The following SHLD2 variants were observed in gnomAD, a reference collection of about 807,000 sequenced individuals.
SHLD2 encodes RINN1-REV7-interacting novel NHEJ regulator 2.
In SHLD2, 30 loss-of-function variants were observed where a neutral mutation model predicts 73.2. The observed-to-expected ratio is 0.41, with a 90% CI of 0.31 to 0.56. The LOEUF is 0.56. Ranked by LOEUF, SHLD2 falls within the 20% of genes least tolerant of loss-of-function variation. The pLI is 0.28. For synonymous variants in SHLD2, 285 were observed against 370.1 expected (o/e 0.77, Z 2.64); for missense variants, 745 against 1,055.9 (o/e 0.71, Z 4.08).
chr10:87,146,356 C>T (rs1349679604), intron 2 of SHLD2, among the ~76,000 whole-genome samples: 5 of 151,950 alleles, frequency 3.3e-5, no homozygotes, highest in African/African-American at 4.8e-5. Flanking sequence ...TGCAGTGGCC[C>T]GATCTTGGCT....
intron 2 of SHLD2, among the ~76,000 whole-genome samples, chr10:87,103,561 A>G (rs1842404027): frequency 1.3e-5 from 2 of 152,202 alleles, no homozygotes; most frequent in Non-Finnish European, 2.9e-5. Flanking sequence ...TTTGTGCCAA[A>G]GTTTTCAGGA....
At position 87,151,456 on chromosome 10, in the gene SHLD2, C is replaced by T; in HGVS notation, c.102C>T (p.Asp34=). ...CAGCTTCTTTAATGTCTGTTGCTGA[C>T]CCCTGGAAAAAAATTCAGCTTTTAT... ...EDTASLMSVA[D]PWKKIQLLYS... is the part of the protein sequence containing the mutation. The change falls in exon 3 of 10, where the codon GAC becomes GAT. Residue 34 remains aspartate (D), a synonymous_variant. Coordinates refer to ENST00000298786, the MANE Select transcript of SHLD2 (RefSeq NM_001330112.2). 1.9e-6 allele frequency: 3 copies of T among 1,610,406 alleles called. No homozygotes were observed. Among genetic ancestry groups the T allele is most frequent in the East Asian group, 2.2e-5 (1 of 44,860 alleles).
At chr10:87,107,367 T>G (rs1196226462) in intron 2 of SHLD2, among the ~76,000 whole-genome samples, 1 of 152,052 alleles carries the variant, frequency 6.6e-6, no homozygotes. Flanking sequence ...TGAGCCGAGG[T>G]CTTGCCACTG....
At chr10:87,133,015 CT>C (rs963272012) in intron 2 of SHLD2, among the ~76,000 whole-genome samples, 2 of 152,024 alleles carry the variant, frequency 1.3e-5, no homozygotes, top group Admixed American at 6.6e-5. Context: ...ACCTTACATG[CT>C]GTTTTGGAAG....
chr10:87,109,212 A>G (rs1842779416), intron 2 of SHLD2, among the ~76,000 whole-genome samples: 1 of 152,224 alleles, frequency 6.6e-6, no homozygotes, highest in Non-Finnish European at 1.5e-5. Flanking sequence ...TCCCTGGACC[A>G]TAACTTGGGA....
At chr10:87,181,151 T>TG (rs768408851) in intron 8 of SHLD2, among the ~76,000 whole-genome samples, 1 of 97,146 alleles carries the variant, frequency 1.0e-5, no homozygotes, top group Non-Finnish European at 2.1e-5. Flanking sequence ...GAGGCCGGGG[T>TG]GGGGGGATCG....
chr10:87,140,429 A>G (rs1010998255), intron 2 of SHLD2, among the ~76,000 whole-genome samples: 5 of 151,370 alleles, frequency 3.3e-5, no homozygotes, highest in Non-Finnish European at 7.4e-5. Context: ...CAAAAAAAAA[A>G]AAAAAAGAAA....
chr10:87,118,438 T>C (rs1159189995), intron 2 of SHLD2, among the ~76,000 whole-genome samples: 2 of 151,506 alleles, frequency 1.3e-5, no homozygotes, highest in African/African-American at 4.9e-5. Flanking sequence ...TTAAATGTTA[T>C]ATTTATTTTT....
At position 87,119,894 on chromosome 10, in the gene SHLD2, T is replaced by G. The variant is rs193219389; in HGVS notation, c.-6+22905T>G. Among the ~76,000 whole-genome samples the G allele has an allele frequency of 4.3e-3, 658 of 152,212 alleles. 6 individuals are homozygous for G. Among genetic ancestry groups the G allele is most frequent in the African/African-American group, 0.015 (623 of 41,522 alleles). The stretch of plus-strand genomic sequence containing the variant: ...ACTTTTGGAGTTTATGGGCAGTACT[T>G]AACATATATAACCTAAGTGTGGATA... On this transcript the variant is annotated intron_variant, in intron 2 of 9. Coordinates refer to ENST00000298786, the MANE Select transcript of SHLD2 (RefSeq NM_001330112.2).
At chr10:87,115,239 G>A (rs1405501547) in intron 2 of SHLD2, 7 of 151,966 alleles carry the variant, frequency 4.6e-5, no homozygotes, top group Non-Finnish European at 8.8e-5. Context: ...TAGTAGAGAC[G>A]GGGGTTTCAC....
rs1157030 is a variant in SHLD2, at chr10:87,157,420, C to T, written c.1526-628C>T. Among the ~76,000 whole-genome samples the T allele has an allele frequency of 1.5e-3, 227 of 152,274 alleles. No homozygotes were observed. The East Asian group carries it at 0.042, about 28-fold the overall frequency. On this transcript the variant is annotated intron_variant, in intron 3 of 9. Transcript: ENST00000298786. ...CCCCTCTTTCTCTTTACAGCTCACA[C>T]GTTTTGCTCTACCTACAATTGTTTC...
intron 3 of SHLD2, among the ~76,000 whole-genome samples, chr10:87,154,861 C>T (rs1277282752): frequency 6.6e-6 from 1 of 152,164 alleles, no homozygotes; most frequent in East Asian, 1.9e-4. Context: ...ATTGATAATC[C>T]TACCAAATAG....
At chr10:87,174,072 A>G (rs1847787930) in intron 6 of SHLD2, among the ~76,000 whole-genome samples, 1 of 152,212 alleles carries the variant, frequency 6.6e-6, no homozygotes, top group Non-Finnish European at 1.5e-5. Flanking sequence ...TTTTAGCCCA[A>G]TAATTTTAGC....
At chr10:87,131,126 G>T (rs1406726584) in intron 2 of SHLD2, among the ~76,000 whole-genome samples, 2 of 152,080 alleles carry the variant, frequency 1.3e-5, no homozygotes, top group East Asian at 3.8e-4. Context: ...ATTTGGGGAA[G>T]AAATGAAGTT....
At chr10:87,159,690 T>A (rs1846671267) in intron 4 of SHLD2, among the ~76,000 whole-genome samples, 2 of 151,922 alleles carry the variant, frequency 1.3e-5, no homozygotes, top group South Asian at 4.2e-4. Flanking sequence ...GTAAATAGAG[T>A]TAATAGGATT....
At chr10:87,163,293 A>G (rs1348729729) in intron 4 of SHLD2, among the ~76,000 whole-genome samples, 2 of 152,194 alleles carry the variant, frequency 1.3e-5, no homozygotes, top group African/African-American at 4.8e-5. Flanking sequence ...TGGAAAGAAA[A>G]TGCAGGAAGG....
intron 2 of SHLD2, among the ~76,000 whole-genome samples, chr10:87,112,580 A>G (rs1255096460): frequency 6.6e-6 from 1 of 151,816 alleles, no homozygotes; most frequent in Non-Finnish European, 1.5e-5. Flanking sequence ...GGCTGCAGTG[A>G]GCAGTGATGG....
intron 6 of SHLD2, among the ~76,000 whole-genome samples, chr10:87,172,745 A>T (rs1847676980): frequency 6.6e-6 from 1 of 151,954 alleles, no homozygotes; most frequent in Admixed American, 6.6e-5. Flanking sequence ...TGTTTATATA[A>T]GTTAATACAT....
chr10:87,161,008 G>A (rs1257184632), intron 4 of SHLD2, among the ~76,000 whole-genome samples: 5 of 150,852 alleles, frequency 3.3e-5, no homozygotes, highest in African/African-American at 1.2e-4. Context: ...AAAGAAAGAA[G>A]AGGCATTTGA....
Sources: gnomAD v4.1 joint callset for allele counts (sites outside exome capture counted in the v4.1 genomes callset) on GRCh38, gnomAD v4.1.1 for gene constraint, MANE v1.5 for transcripts, NCBI Gene and HGNC (gene_info 2026-07-23, HGNC 2026-07-21) for gene names.